LIAS: variants seen among roughly 807,000 people sequenced by gnomAD.
The protein encoded by LIAS is lipoyl synthase, mitochondrial.
Under a neutral mutation model 49.4 loss-of-function variants are expected in LIAS, and 36 were observed. That is an observed-to-expected ratio of 0.73 (90% CI 0.56 to 0.96). The LOEUF (loss-of-function observed/expected upper bound fraction) is 0.96, where lower values mean the gene tolerates loss of function less well. Among genes scored for constraint, LIAS ranks in the 40% least tolerant of loss-of-function variants. The pLI is 0.00. For missense variants in LIAS, 399 were observed against 456.3 expected (o/e 0.87, Z 1.14); for synonymous variants, 145 against 155.8 (o/e 0.93, Z 0.52).
chr4:39,460,860 T>C lies in LIAS; in HGVS notation c.116T>C (p.Leu39Pro). 6.2e-7 allele frequency: 1 copy of C among 1,612,912 alleles called. No homozygotes were observed. Residue 39 changes from leucine (L) to proline (P), a missense_variant, in exon 2 of 11, where the codon CTA becomes CCA. Around this residue, in one of 3 missense-constraint regions of LIAS, gnomAD observed 159 missense variants for 147.6 expected, o/e 1.08. Transcript: ENST00000640888. ...SSLPDKKKEL[L>P]QNGPDLQDFV... ...TTGCCAGATAAAAAAAAGGAACTCC[T>C]ACAGAATGGACCAGACCTTCAAGAT...
intron 7 of LIAS, chr4:39,469,153 T>C (rs939826752): frequency 1.1e-4 from 16 of 152,198 alleles, no homozygotes; most frequent in African/African-American, 3.9e-4. Context: ...TCATAGAGCC[T>C]GAAAGAAGTT....
intron 7 of LIAS, chr4:39,468,484 A>G (rs1744844124): frequency 7.7e-6 from 1 of 129,974 alleles, no homozygotes; most frequent in Non-Finnish European, 1.7e-5. Flanking sequence ...TCCATCTAGA[A>G]AGAGAAAGGA....
chr4:39,473,006 G>C, intron 9 of LIAS, 94 bp from the exon 10 acceptor site: 2 of 691,936 alleles, frequency 2.9e-6, no homozygotes, highest in Non-Finnish European at 5.0e-6. Flanking sequence ...GATAAATTAC[G>C]CAGTGAAGAG....
intron 9 of LIAS, among the ~76,000 whole-genome samples, chr4:39,472,306 G>A (rs1745023115): frequency 6.6e-6 from 1 of 152,170 alleles, no homozygotes; most frequent in Non-Finnish European, 1.5e-5. Flanking sequence ...GGACAAGGGA[G>A]AAGAGGAGGA....
chr4:39,471,942 G>A (rs894013633), intron 9 of LIAS, among the ~76,000 whole-genome samples: 16 of 152,148 alleles, frequency 1.1e-4, no homozygotes, highest in African/African-American at 3.4e-4. Context: ...GGGATTACAG[G>A]TGTGAGCCAC....
At chr4:39,462,842 C>T (rs917818912) in intron 3 of LIAS, among the ~76,000 whole-genome samples, 1 of 152,170 alleles carries the variant, frequency 6.6e-6, no homozygotes, top group Non-Finnish European at 1.5e-5. Flanking sequence ...AAAAAATTAG[C>T]TGGGCGTGGT....
At chr4:39,464,883 A>C (rs866867389) in intron 4 of LIAS, among the ~76,000 whole-genome samples, 163 bp from the exon 5 acceptor site, 2 of 152,114 alleles carry the variant, frequency 1.3e-5, no homozygotes, top group Non-Finnish European at 2.9e-5. Flanking sequence ...GTTTTATCAC[A>C]TATATTTATG....
chr4:39,462,248 A>G lies in LIAS; in HGVS notation c.271A>G (p.Asn91Asp). Residue 91 changes from asparagine (N) to aspartate (D), a missense_variant, in exon 3 of 11, where the codon AAT (asparagine) becomes GAT (aspartate). By Grantham distance (23) the Asn-to-Asp change is conservative (BLOSUM62 1). This residue lies in a region of LIAS where 159 missense variants were observed against 147.6 expected (regional missense o/e 1.08). Coordinates refer to ENST00000640888, the MANE Select transcript of LIAS (RefSeq NM_006859.4). ...KTEIPMGKNY[N>D]KLKNTLRNLN... ...AGAGATTCCCATGGGGAAAAATTAC[A>G]ATAAACTGAAAAATACTTTGCGGAA... 6.4e-7 allele frequency: 1 copy of G among 1,568,866 alleles called. No individual in the cohort carries two copies. Among genetic ancestry groups the G allele is most frequent in the South Asian group, 1.2e-5 (1 of 83,908 alleles).
intron 6 of LIAS, chr4:39,467,157 T>G (rs1434233703): frequency 1.3e-5 from 2 of 153,050 alleles, no homozygotes; most frequent in Non-Finnish European, 2.9e-5. Context: ...TCAATTTACT[T>G]TCCAATGAGT....
At chr4:39,469,928 A>T in intron 7 of LIAS, 91 bp from the exon 8 acceptor site, 1 of 1,154,942 alleles carries the variant, frequency 8.7e-7, no homozygotes, top group Non-Finnish European at 1.2e-6. Flanking sequence ...AATGTGCAGA[A>T]TGTACTTCTC....
chr4:39,475,761 T>C (rs1436126956), intron 10 of LIAS: 1 of 152,148 alleles, frequency 6.6e-6, no homozygotes, highest in Non-Finnish European at 1.5e-5. Flanking sequence ...CCTCTAGTTC[T>C]AGCTACCCAG....
chr4:39,473,540 G>A lies in LIAS; in HGVS notation c.1066+329G>A, dbSNP rs749916. On this transcript the variant is annotated intron_variant, in intron 10 of 10. Transcript: ENST00000640888. ...ATTCAGAAATGACAGAGCATGTCAAGCATCTAATAGGGTTTTCTGAGAAAT... is the reference window on the plus strand; with the variant it reads ...ATTCAGAAATGACAGAGCATGTCAAACATCTAATAGGGTTTTCTGAGAAAT... 0.12 allele frequency: 22,792 copies of A among 182,516 alleles called. 1,536 individuals are homozygous for A. Among genetic ancestry groups the A allele is most frequent in the Non-Finnish European group, 0.15 (12,881 of 88,386 alleles). The allele number at this position is 182,516 out of a possible 1,614,324, so 11.3% of individuals were successfully genotyped here.
At chr4:39,469,424 A>G (rs1405593293) in intron 7 of LIAS, 1 of 152,224 alleles carries the variant, frequency 6.6e-6, no homozygotes, top group Admixed American at 6.5e-5. Flanking sequence ...AGGATAAGTC[A>G]TTTAAGCCAT....
At chr4:39,463,422 T>G in intron 3 of LIAS, 103 bp from the exon 4 acceptor site, 1 of 1,371,238 alleles carries the variant, frequency 7.3e-7, no homozygotes, top group Non-Finnish European at 9.6e-7. Flanking sequence ...TTCAAAAATA[T>G]GTTGTAAACA....
intron 7 of LIAS, chr4:39,468,996 TGTAAGAAAAAAA>T (rs1178258549): frequency 1.3e-5 from 2 of 152,150 alleles, no homozygotes; most frequent in Non-Finnish European, 2.9e-5. Flanking sequence ...GTAACACTGA[TGTAAGAAAAAAA>T]GTAAGGATTG....
Position 39,471,326 on chromosome 4 carries a change from C to CTT in LIAS, c.954+36_954+37dup, listed in dbSNP as rs67611743. The CTT allele has an allele frequency of 6.3e-3, 7,869 of 1,239,400 alleles. No homozygotes were observed. The highest frequency in any genetic ancestry group is 7.4e-3 in the Non-Finnish European group (6,688 of 904,814). 76.8% of individuals were successfully genotyped at this position (1,239,400 alleles called of 1,614,324 possible). On this transcript the variant is annotated intron_variant, in intron 9 of 10. Transcript: ENST00000640888. ...CTTAAGGTACATGTATCTTGATTTG[C>CTT]TTTTTTTTTTTTTTTTTATTTTTAA...
intron 7 of LIAS, chr4:39,468,403 C>T (rs986040910): frequency 6.6e-6 from 1 of 151,216 alleles, no homozygotes; most frequent in African/African-American, 2.4e-5. Flanking sequence ...ATCACTTGAA[C>T]TCGGGAGGCG....
chr4:39,471,807 C>T (rs1050154829), intron 9 of LIAS, among the ~76,000 whole-genome samples: 1 of 151,886 alleles, frequency 6.6e-6, no homozygotes, highest in African/African-American at 2.4e-5. Context: ...GGATTACAGG[C>T]GTGAGCCACC....
intron 1 of LIAS, among the ~76,000 whole-genome samples, chr4:39,459,833 G>T (rs1041144256): frequency 1.1e-4 from 16 of 152,058 alleles, no homozygotes; most frequent in African/African-American, 3.9e-4. Flanking sequence ...GGTGGCGTGC[G>T]CCTGTAGTCC....
Sources: allele counts gnomAD v4.1 joint callset (sites outside exome capture counted in the v4.1 genomes callset), GRCh38; gene constraint gnomAD v4.1.1; regional missense constraint gnomAD v4.1.1; transcripts MANE v1.5; gene names NCBI Gene and HGNC (gene_info 2026-07-23, HGNC 2026-07-21).